The following CREB5 variants were observed in gnomAD, a reference collection of about 807,000 sequenced individuals.
CREB5 encodes cyclic AMP-responsive element-binding protein 5.
CREB5 carries 19 observed loss-of-function variants against 57.1 expected under a neutral mutation model. That is an observed-to-expected ratio of 0.33 (90% CI 0.23 to 0.49). CREB5 has a LOEUF of 0.49. Among genes scored for constraint, CREB5 ranks in the 20% least tolerant of loss-of-function variants. The pLI, the probability that CREB5 is intolerant of heterozygous loss-of-function variation, is 0.99. For missense variants in CREB5, 579 were observed against 671.6 expected, an observed-to-expected ratio of 0.86 and a Z score of 1.52; for synonymous variants, 238 against 238.3, an observed-to-expected ratio of 1.00 and a Z score of 0.01.
rs561836359 is a variant in CREB5 at position 28,687,313 on chromosome 7, A to G, written c.465-31440A>G. Among the ~76,000 whole-genome samples, 120 of 151,874 alleles carry G rather than the reference A, an allele frequency of 7.9e-4. 3 individuals are homozygous for G. Among genetic ancestry groups the G allele is most frequent in the Non-Finnish European group, 1.6e-4 (11 of 68,004 alleles). ...CAGTAGTGAGGGGGCGATGATGAAGACTTCTTGATTGAGTTGTCTTAGAAA... is the reference window on the plus strand; with the variant it reads ...CAGTAGTGAGGGGGCGATGATGAAGGCTTCTTGATTGAGTTGTCTTAGAAA... On this transcript the variant is annotated intron_variant, in intron 5 of 10. Transcript: ENST00000357727.
In CREB5 at chr7:28,481,127, G is replaced by A. The variant is rs562451876; in HGVS notation, c.4-7048G>A. Reference sequence around the variant, plus strand: ...AGCCCCCAGCACTCTCTCCTGTTACGGCCCCCTCTGGGAAGTAAGACCCGG... The same window carrying A: ...AGCCCCCAGCACTCTCTCCTGTTACAGCCCCCTCTGGGAAGTAAGACCCGG... On this transcript the variant is annotated intron_variant, in intron 1 of 10. Transcript: ENST00000357727. Among the ~76,000 whole-genome samples, 32 of 152,258 alleles carry A rather than the reference G, an allele frequency of 2.1e-4. No individual in the cohort carries two copies. The South Asian group carries it at 5.8e-3, about 28-fold the overall frequency.
chr7:28,558,435 A>G (rs1794958164), intron 4 of CREB5, among the ~76,000 whole-genome samples: 1 of 152,264 alleles, frequency 6.6e-6, no homozygotes, highest in South Asian at 2.1e-4. Flanking sequence ...AGGTTCCACC[A>G]GAAGTGAAAT....
chr7:28,634,919 A>T (rs966392638), intron 5 of CREB5, among the ~76,000 whole-genome samples: 3 of 152,196 alleles, frequency 2.0e-5, no homozygotes, highest in African/African-American at 7.2e-5. Context: ...TTAGGAATGC[A>T]TTTGCCTGCA....
chr7:28,394,696 T>G (rs1787302296), intron 1 of CREB5, among the ~76,000 whole-genome samples: 1 of 152,126 alleles, frequency 6.6e-6, no homozygotes, highest in African/African-American at 2.4e-5. Context: ...TCCCCTACAT[T>G]TGACAGTGTG....
intron 7 of CREB5, among the ~76,000 whole-genome samples, chr7:28,776,349 A>AAAG (rs1240530267): frequency 6.9e-6 from 1 of 145,858 alleles, no homozygotes; most frequent in Non-Finnish European, 1.5e-5. Context: ...AAAAAAAAAA[A>AAAG]AAGAAGAAGA....
chr7:28,739,945 T>C (rs1804240156), intron 7 of CREB5, among the ~76,000 whole-genome samples: 1 of 152,162 alleles, frequency 6.6e-6, no homozygotes, highest in Non-Finnish European at 1.5e-5. Context: ...CCTTATACAA[T>C]AGAGATCTCA....
chr7:28,363,414 G>A (rs1163330751), intron 1 of CREB5, among the ~76,000 whole-genome samples: 2 of 151,998 alleles, frequency 1.3e-5, no homozygotes, highest in African/African-American at 2.4e-5. Context: ...GAGCCTCATG[G>A]CTGTGAATGT....
chr7:28,469,928 T>G (rs1790739811), intron 1 of CREB5, among the ~76,000 whole-genome samples: 1 of 152,294 alleles, frequency 6.6e-6, no homozygotes. Context: ...TTTATTAAAT[T>G]TAAAATTTTT....
intron 7 of CREB5, among the ~76,000 whole-genome samples, chr7:28,775,543 C>CATATATCTATATATATATATAT (rs1806571393): frequency 8.3e-6 from 1 of 120,632 alleles, no homozygotes. Context: ...ATTCCTTAGC[C>CATATATCTATATATATATATAT]ATATATATAT....
rs550026743 is a variant in CREB5 at position 28,762,553 on chromosome 7, T to C, written c.702+38221T>C. On this transcript the variant is annotated intron_variant, in intron 7 of 10. Coordinates refer to ENST00000357727, the MANE Select transcript of CREB5 (RefSeq NM_182898.4). Reference sequence around the variant, plus strand: ...TGCTGTGATAAAATTTGAGTGACCATTTGATAATTGTTTGTATTTCTCTAT... The same window carrying C: ...TGCTGTGATAAAATTTGAGTGACCACTTGATAATTGTTTGTATTTCTCTAT... Among the ~76,000 whole-genome samples the C allele has an allele frequency of 1.8e-3, 268 of 152,296 alleles. 1 individual carries two copies. The highest frequency in any genetic ancestry group is 6.2e-3 in the African/African-American group (259 of 41,574).
intron 1 of CREB5, among the ~76,000 whole-genome samples, chr7:28,446,750 C>A (rs1305879225): frequency 6.6e-6 from 1 of 152,176 alleles, no homozygotes; most frequent in African/African-American, 2.4e-5. Flanking sequence ...CGAGATCACG[C>A]CACTGCACTC....
chr7:28,671,997 C>T (rs1800059849), intron 5 of CREB5, among the ~76,000 whole-genome samples: 1 of 151,990 alleles, frequency 6.6e-6, no homozygotes, highest in African/African-American at 2.4e-5. Context: ...GCACTTAATG[C>T]CTGTGAGCTT....
chr7:28,332,217 C>T (rs1474019191), intron 1 of CREB5, among the ~76,000 whole-genome samples: 1 of 152,160 alleles, frequency 6.6e-6, no homozygotes, highest in African/African-American at 2.4e-5. Flanking sequence ...AAGCGATTCT[C>T]CCGAGAACCT....
chr7:28,414,728 G>C (rs1432177176), intron 1 of CREB5, among the ~76,000 whole-genome samples: 1 of 152,052 alleles, frequency 6.6e-6, no homozygotes, highest in Non-Finnish European at 1.5e-5. Context: ...AGTGTTTTTT[G>C]AGTATCCATT....
intron 7 of CREB5, among the ~76,000 whole-genome samples, chr7:28,735,827 T>C (rs1254788389): frequency 6.6e-6 from 1 of 151,948 alleles, no homozygotes; most frequent in Admixed American, 6.6e-5. Context: ...TTTTTTTTAA[T>C]GGAATTTTGT....
intron 3 of CREB5, among the ~76,000 whole-genome samples, chr7:28,500,872 A>G (rs1258971980): frequency 6.6e-6 from 1 of 152,048 alleles, no homozygotes; most frequent in African/African-American, 2.4e-5. Flanking sequence ...CTTCTTGGCA[A>G]TTCCATTGAT....
chr7:28,299,690 C>T (rs980169058), intron 1 of CREB5, among the ~76,000 whole-genome samples: 16 of 152,162 alleles, frequency 1.1e-4, no homozygotes, highest in Admixed American at 2.6e-4. Flanking sequence ...CTCATGCTAC[C>T]TGAAAACCTT....
At chr7:28,528,593 A>T (rs371803828) in intron 4 of CREB5, among the ~76,000 whole-genome samples, 3 of 151,274 alleles carry the variant, frequency 2.0e-5, no homozygotes, top group African/African-American at 7.3e-5. Context: ...AATCCCAGCT[A>T]CTCGGGAGGC....
chr7:28,338,800 T>G (rs907278095), intron 1 of CREB5, among the ~76,000 whole-genome samples: 1 of 152,048 alleles, frequency 6.6e-6, no homozygotes, highest in Non-Finnish European at 1.5e-5. Context: ...ACATGCTTCA[T>G]TCTTTTCTAT....
Sources: gnomAD v4.1 joint callset for allele counts (sites outside exome capture counted in the v4.1 genomes callset) on GRCh38, gnomAD v4.1.1 for gene constraint, MANE v1.5 for transcripts, NCBI Gene and HGNC (gene_info 2026-07-23, HGNC 2026-07-21) for gene names.